The following ERBB4 variants were observed in gnomAD, a reference collection of about 807,000 sequenced individuals.
ERBB4 encodes erb-b2 receptor tyrosine kinase 4.
In ERBB4, 42 loss-of-function variants were observed where a neutral mutation model predicts 158.0. That is an observed-to-expected ratio of 0.27 (90% CI 0.21 to 0.34). The LOEUF is 0.34. ERBB4 is among the 10% of genes least tolerant of loss of function. ERBB4 has a pLI of 1.00. For synonymous variants in ERBB4, 583 were observed against 558.7 expected, an observed-to-expected ratio of 1.04 and a Z score of -0.61; for missense variants, 1,333 against 1,624.1, an observed-to-expected ratio of 0.82 and a Z score of 3.08.
At chr2:212,429,678 G>T (rs180778589) in intron 1 of ERBB4, among the ~76,000 whole-genome samples, 10 of 152,178 alleles carry the variant, frequency 6.6e-5, no homozygotes, top group Middle Eastern at 6.8e-3. Flanking sequence ...GCACAGAGAG[G>T]TAATTATCTT....
intron 14 of ERBB4, among the ~76,000 whole-genome samples, chr2:211,669,485 C>G (rs2071758284): frequency 1.3e-5 from 2 of 152,016 alleles, no homozygotes; most frequent in Admixed American, 1.3e-4. Context: ...TCTGATTTCC[C>G]AGGCTTGTCT....
intron 20 of ERBB4, among the ~76,000 whole-genome samples, chr2:211,508,307 G>A (rs1474164628): frequency 2.6e-5 from 4 of 151,996 alleles, no homozygotes; most frequent in African/African-American, 7.2e-5. Flanking sequence ...CCATCAAAAA[G>A]TGGGCGAAGG....
At chr2:212,311,561 ATT>A (rs1488305448) in intron 1 of ERBB4, among the ~76,000 whole-genome samples, 1 of 150,896 alleles carries the variant, frequency 6.6e-6, no homozygotes, top group Non-Finnish European at 1.5e-5. Flanking sequence ...GATAAAATGA[ATT>A]TGTTTCTTTA....
chr2:212,180,715 T>G (rs2125689843), intron 1 of ERBB4, among the ~76,000 whole-genome samples: 1 of 151,870 alleles, frequency 6.6e-6, no homozygotes, highest in South Asian at 2.1e-4. Flanking sequence ...TGCAGATTTA[T>G]TATTTCCTAA....
intron 3 of ERBB4, among the ~76,000 whole-genome samples, chr2:211,892,953 A>C (rs1389763745): frequency 1.4e-5 from 2 of 146,656 alleles, no homozygotes; most frequent in Admixed American, 1.3e-4. Context: ...CATGGGTAGG[A>C]AGAATCAATA....
intron 1 of ERBB4, among the ~76,000 whole-genome samples, chr2:212,308,558 C>T (rs962061254): frequency 6.6e-6 from 1 of 150,836 alleles, no homozygotes; most frequent in African/African-American, 2.4e-5. Flanking sequence ...CTCTAGACAC[C>T]TTCTGTTTAA....
chr2:211,767,576 C>T (rs1439589862), intron 4 of ERBB4, among the ~76,000 whole-genome samples: 1 of 152,046 alleles, frequency 6.6e-6, no homozygotes, highest in East Asian at 1.9e-4. Flanking sequence ...GCCGGGGAAG[C>T]CTCAGGAAAC....
intron 20 of ERBB4, among the ~76,000 whole-genome samples, chr2:211,497,853 C>T (rs2065510629): frequency 6.6e-6 from 1 of 152,206 alleles, no homozygotes; most frequent in Middle Eastern, 3.4e-3. Flanking sequence ...TGTAAAGTTG[C>T]TTAATTTTTC....
chr2:212,191,508 C>CAT (rs10629045), intron 1 of ERBB4, among the ~76,000 whole-genome samples: 3,557 of 74,246 alleles, frequency 0.048, 544 homozygotes, highest in African/African-American at 0.11. Flanking sequence ...ATATATAACA[C>CAT]GTGTTATACA....
intron 1 of ERBB4, among the ~76,000 whole-genome samples, chr2:212,335,001 TA>T (rs1330576285): frequency 6.6e-6 from 1 of 152,126 alleles, no homozygotes; most frequent in East Asian, 1.9e-4. Flanking sequence ...AAATATATTT[TA>T]AAGAAAATGC....
intron 13 of ERBB4, among the ~76,000 whole-genome samples, chr2:211,677,608 C>T (rs1170468188): frequency 1.3e-5 from 2 of 151,528 alleles, no homozygotes; most frequent in Non-Finnish European, 2.9e-5. Context: ...GGCGCAGTGG[C>T]TTACGCCTGT....
intron 20 of ERBB4, among the ~76,000 whole-genome samples, chr2:211,482,058 A>G (rs2065096184): frequency 6.6e-6 from 1 of 152,184 alleles, no homozygotes; most frequent in Non-Finnish European, 1.5e-5. Flanking sequence ...TATCTTGAGC[A>G]GAAAAAACTG....
At chr2:211,431,121 T>A (rs762174894) in intron 20 of ERBB4, 21 bp from the exon 21 acceptor site, 1 of 1,609,026 alleles carries the variant, frequency 6.2e-7, no homozygotes, top group East Asian at 2.2e-5. Flanking sequence ...TCAAGTTCCT[T>A]AATGATATTC....
chr2:211,574,816 T>C (rs913576662), intron 19 of ERBB4, among the ~76,000 whole-genome samples: 1 of 152,226 alleles, frequency 6.6e-6, no homozygotes, highest in African/African-American at 2.4e-5. Context: ...CACTTGTAGC[T>C]TTATTTAGTT....
rs559313251 is a variant in ERBB4, at chr2:211,771,021, T to C, written c.556+17004A>G. On this transcript the variant is annotated intron_variant, in intron 4 of 27. Coordinates refer to ENST00000342788, the MANE Select transcript of ERBB4 (RefSeq NM_005235.3). Reference sequence around the variant, plus strand: ...TTTCAAACTAACACATGGCCTGAAATGTCTGCATCATATTAGGCTTTGCTA... The same window carrying C: ...TTTCAAACTAACACATGGCCTGAAACGTCTGCATCATATTAGGCTTTGCTA... Among the ~76,000 whole-genome samples the C allele has an allele frequency of 2.0e-5, 3 of 152,334 alleles. No homozygotes were observed. In the South Asian group the frequency reaches 6.2e-4, roughly 32 times the overall value.
chr2:211,737,498 CA>C (rs2074640613), intron 5 of ERBB4, among the ~76,000 whole-genome samples: 1 of 152,150 alleles, frequency 6.6e-6, no homozygotes, highest in Non-Finnish European at 1.5e-5. Context: ...ACAAAACCGG[CA>C]CAATGGATAA....
intron 20 of ERBB4, among the ~76,000 whole-genome samples, chr2:211,529,322 G>A (rs950622245): frequency 6.6e-6 from 1 of 151,202 alleles, no homozygotes; most frequent in Non-Finnish European, 1.5e-5. Flanking sequence ...TCCAAAACCT[G>A]AACAAACAAG....
chr2:211,623,638 C>T (rs553814990), intron 18 of ERBB4, among the ~76,000 whole-genome samples: 57 of 152,030 alleles, frequency 3.7e-4, no homozygotes, highest in African/African-American at 1.3e-3. Flanking sequence ...TAGAAATTTG[C>T]CAAAAGGAAT....
At chr2:212,245,495 G>T (rs1420878677) in intron 1 of ERBB4, among the ~76,000 whole-genome samples, 2 of 152,090 alleles carry the variant, frequency 1.3e-5, no homozygotes, top group African/African-American at 4.8e-5. Context: ...ATAACAAAAG[G>T]TTATATCAGA....
Sources: gnomAD v4.1 joint callset for allele counts (sites outside exome capture counted in the v4.1 genomes callset) on GRCh38, gnomAD v4.1.1 for gene constraint, MANE v1.5 for transcripts, NCBI Gene and HGNC (gene_info 2026-07-23, HGNC 2026-07-21) for gene names.